The following FBF1 variants were observed in gnomAD, a reference collection of about 807,000 sequenced individuals.
FBF1 encodes the protein Fas binding factor 1, also known as fas-binding factor 1.
In FBF1, 119 loss-of-function variants were observed where a neutral mutation model predicts 147.2. That is an observed-to-expected ratio of 0.81 (90% CI 0.70 to 0.94). FBF1 has a LOEUF of 0.94. Among genes scored for constraint, FBF1 ranks in the 40% least tolerant of loss-of-function variants. The pLI is 0.00. For synonymous variants in FBF1, 601 were observed against 609.0 expected (o/e 0.99, Z 0.19); for missense variants, 1,449 against 1,500.8 (o/e 0.97, Z 0.57).
chr17:75,931,207 G>A (rs372634920), intron 6 of FBF1, 22 bp downstream of exon 6: 1 of 1,564,782 alleles, frequency 6.4e-7, no homozygotes, highest in Non-Finnish European at 8.7e-7. Context: ...GTAGGGAGGT[G>A]GAGGGAAACA....
In FBF1 at chr17:75,917,937, G is replaced by T; in HGVS notation, c.2380C>A (p.Leu794Met). The change falls in exon 22 of 30, where the codon CTG (leucine) becomes ATG (methionine). Residue 794 changes from leucine (L) to methionine (M), a missense_variant. Physicochemically the swap from Leu to Met is conservative, Grantham distance 15. Coordinates refer to ENST00000636174, the MANE Select transcript of FBF1 (RefSeq NM_001319193.2). ...CTGAGAGGGGAGGGCGTACCCCGCA[G>T]CTGCTCGTCACGCTGCCGGATCCCC... is the stretch of plus-strand genomic sequence containing the variant. ...ELGIRQRDEQ[L>M]RALQERLGQQ... 2 of 1,600,890 alleles carry T rather than the reference G, an allele frequency of 1.2e-6. No individual in the cohort carries two copies. The highest frequency in any genetic ancestry group is 1.7e-6 in the Non-Finnish European group (2 of 1,172,842).
At position 75,928,033 on chromosome 17, in the gene FBF1, G is replaced by C. The variant is rs753226214; in HGVS notation, c.397+43C>G. 6.6e-7 allele frequency: 1 copy of C among 1,512,926 alleles called. No individual in the cohort carries two copies. Among genetic ancestry groups the C allele is most frequent in the African/African-American group, 1.4e-5 (1 of 72,384 alleles). 93.7% of individuals were successfully genotyped at this position (1,512,926 alleles called of 1,614,324 possible). A position where few individuals can be genotyped will look rare whatever the true frequency, so the allele number is the denominator to read the frequency against. On this transcript the variant is annotated intron_variant, in intron 8 of 29. Transcript: ENST00000636174. This position sits in a 1 kb window ranked among gnomAD's most constrained non-coding sequence, Gnocchi z 4.2. ...CTCAAAGTCTCCCTAGCAGATGCGA[G>C]GAGCCGTCTCCCATGCACCTTTCTC...
chr17:75,930,854 G>C (rs529940551), intron 6 of FBF1, among the ~76,000 whole-genome samples: 2 of 152,232 alleles, frequency 1.3e-5, no homozygotes, highest in East Asian at 1.9e-4. Flanking sequence ...CCAGGAGGCG[G>C]AGATTGCAGT....
At chr17:75,938,071 T>C (rs1207233969) in intron 2 of FBF1, 76 bp downstream of exon 2, 10 of 1,593,094 alleles carry the variant, frequency 6.3e-6, no homozygotes, top group African/African-American at 1.3e-5. Flanking sequence ...GAGTGTTGCA[T>C]GCAGTCAAGA....
chr17:75,923,629 T>G lies in FBF1; in HGVS notation c.981A>C (p.Ala327=). The change falls in exon 14 of 30, where the codon GCA becomes GCC. Residue 327 remains alanine, a synonymous_variant. Coordinates refer to ENST00000636174, the MANE Select transcript of FBF1 (RefSeq NM_001319193.2). This position sits in a 1 kb window ranked among gnomAD's most constrained non-coding sequence, Gnocchi z 4.1. ...SRRQSVSRFF[A]DSGADPKGEP... The stretch of plus-strand genomic sequence containing the variant: ...CTCCCTTGGGGTCTGCGCCACTGTC[T>G]GCGAAGAACCTACTTCAAGACAGAA... The G allele has an allele frequency of 6.2e-7, 1 of 1,603,384 alleles. No homozygotes were observed. Among genetic ancestry groups the G allele is most frequent in the Admixed American group, 1.7e-5 (1 of 58,802 alleles).
At chr17:75,930,529 G>A (rs1024767752) in intron 6 of FBF1, among the ~76,000 whole-genome samples, 6 of 152,232 alleles carry the variant, frequency 3.9e-5, no homozygotes, top group Non-Finnish European at 7.3e-5. Flanking sequence ...GGAGGCCGAG[G>A]CGGGTAGATC....
chr17:75,926,520 G>A, intron 10 of FBF1, 94 bp from the exon 11 acceptor site: 1 of 1,450,832 alleles, frequency 6.9e-7, no homozygotes, highest in South Asian at 1.5e-5. Context: ...GCACCTTTGG[G>A]TAGGACGACA....
At chr17:75,915,233 TC>T in intron 23 of FBF1, 94 bp from the exon 24 acceptor site, 1 of 1,468,208 alleles carries the variant, frequency 6.8e-7, no homozygotes, top group Non-Finnish European at 9.0e-7. Flanking sequence ...CACCAGTGTC[TC>T]CCACACTATG....
At chr17:75,920,928 G>C (rs1156655276) in intron 17 of FBF1, among the ~76,000 whole-genome samples, 1 of 152,064 alleles carries the variant, frequency 6.6e-6, no homozygotes, top group Non-Finnish European at 1.5e-5. Context: ...TGGCAAGGGT[G>C]GAGGAGGCTT....
At chr17:75,920,165 G>A (rs1179997151) in intron 18 of FBF1, 58 bp from the exon 19 acceptor site, 2 of 1,583,940 alleles carry the variant, frequency 1.3e-6, no homozygotes, top group Non-Finnish European at 1.7e-6. Context: ...ACTCCACGCT[G>A]CCCTGTGCCA....
chr17:75,940,645 C>G (rs1185832334), intron 1 of FBF1: 1 of 153,818 alleles, frequency 6.5e-6, no homozygotes, highest in Non-Finnish European at 1.5e-5. Context: ...CATCTCCTAT[C>G]GATCCTGTAC....
intron 23 of FBF1, among the ~76,000 whole-genome samples, chr17:75,916,086 A>C (rs1202493644): frequency 1.3e-5 from 2 of 150,106 alleles, no homozygotes; most frequent in Non-Finnish European, 1.5e-5. Context: ...TTGGGAGGCC[A>C]AAGTGGGCAG....
chr17:75,912,392 C>T (rs914431611), intron 28 of FBF1, 85 bp from the exon 29 acceptor site: 115 of 1,033,590 alleles, frequency 1.1e-4, no homozygotes, highest in Non-Finnish European at 1.5e-4. Flanking sequence ...GAGCTGCTCC[C>T]CCCGCCAGTG....
chr17:75,918,184 T>G lies in FBF1; in HGVS notation c.2224A>C (p.Thr742Pro). Reference protein sequence around the residue: ...LLKDREVDAATSATSHTRSLN... With the variant: ...LLKDREVDAAPSATSHTRSLN... ...TACCGCGTGTGGGAGGTGGCACTGG[T>G]GGCCGCATCGACCTCTCGGTCCTTC... is the stretch of plus-strand genomic sequence containing the variant. The change falls in exon 21 of 30, where the codon ACC becomes CCC. Residue 742 changes from threonine (T) to proline (P), a missense_variant. Physicochemically the swap from Thr to Pro is conservative, Grantham distance 38. Transcript: ENST00000636174. The surrounding 1 kb of genome is among the most constrained non-coding windows in gnomAD (Gnocchi z 5.8). 2 of 1,613,316 alleles carry G rather than the reference T, an allele frequency of 1.2e-6. No individual in the cohort carries two copies. Among genetic ancestry groups the G allele is most frequent in the African/African-American group, 1.3e-5 (1 of 75,046 alleles).
chr17:75,926,540 C>T, intron 10 of FBF1, 114 bp from the exon 11 acceptor site: 2 of 1,419,546 alleles, frequency 1.4e-6, no homozygotes, highest in South Asian at 1.5e-5. Flanking sequence ...AGGCTTTAGA[C>T]CTGCCTGGTC....
In FBF1 at chr17:75,914,840, C is replaced by G; in HGVS notation, c.2721G>C (p.Gln907His). 6.3e-7 allele frequency: 1 copy of G among 1,597,956 alleles called. No homozygotes were observed. The highest frequency in any genetic ancestry group is 8.5e-7 in the Non-Finnish European group (1 of 1,173,110). The stretch of plus-strand genomic sequence containing the variant: ...CGGCCCGCTCCTTACTCAGCTTTTG[C>G]TGCGCGGAGAACTCCGCCCACTCGG... ...LAAEWAEFSA[Q>H]QKLSKERAER... The change falls in exon 25 of 30, where the codon CAG becomes CAC. Residue 907 changes from glutamine (Q) to histidine (H), a missense_variant. Coordinates refer to ENST00000636174, the MANE Select transcript of FBF1 (RefSeq NM_001319193.2).
intron 17 of FBF1, among the ~76,000 whole-genome samples, chr17:75,920,631 T>G (rs1417539509): frequency 6.6e-6 from 1 of 152,154 alleles, no homozygotes; most frequent in African/African-American, 2.4e-5. Context: ...GTCAGGAGCA[T>G]GTCTCCCTCC....
In FBF1 at chr17:75,928,046, A is replaced by G. The variant is rs1175064389; in HGVS notation, c.397+30T>C. Reference sequence around the variant, plus strand: ...TAGCAGATGCGAGGAGCCGTCTCCCATGCACCTTTCTCACTGGCTACTGAC... The same window carrying G: ...TAGCAGATGCGAGGAGCCGTCTCCCGTGCACCTTTCTCACTGGCTACTGAC... On this transcript the variant is annotated intron_variant, in intron 8 of 29. Transcript: ENST00000636174. This position sits in a 1 kb window ranked among gnomAD's most constrained non-coding sequence, Gnocchi z 4.2. The G allele has an allele frequency of 6.3e-6, 10 of 1,575,782 alleles. No individual in the cohort carries two copies. Among genetic ancestry groups the G allele is most frequent in the East Asian group, 2.2e-5 (1 of 44,706 alleles).
intron 2 of FBF1, chr17:75,937,811 A>G (rs2065633986): frequency 7.7e-6 from 5 of 646,796 alleles, no homozygotes; most frequent in South Asian, 1.8e-5. Flanking sequence ...ATGGGTGCCA[A>G]TGGGCGGGCA....
Sources: gnomAD v4.1 joint callset for allele counts (sites outside exome capture counted in the v4.1 genomes callset) on GRCh38, gnomAD v4.1.1 for gene constraint, Gnocchi (gnomAD v3.1) non-coding constraint, MANE v1.5 for transcripts, NCBI Gene and HGNC (gene_info 2026-07-23, HGNC 2026-07-21) for gene names.